The following ZNRF3 variants were observed in gnomAD, a reference collection of about 807,000 sequenced individuals.
ZNRF3 encodes the protein zinc and ring finger 3.
ZNRF3 carries 23 observed loss-of-function variants against 72.5 expected under a neutral mutation model. The ratio of observed to expected loss-of-function variants is 0.32; its 90% CI spans 0.23 to 0.45. The LOEUF (loss-of-function observed/expected upper bound fraction) is 0.45. ZNRF3 is among the 20% of genes least tolerant of loss of function. The pLI is 1.00. For synonymous variants in ZNRF3, 610 were observed against 545.3 expected (o/e 1.12, Z -1.65); for missense variants, 1,169 against 1,272.1 (o/e 0.92, Z 1.23).
At chr22:29,051,064 C>A in intron 8 of ZNRF3, 116 bp downstream of exon 8, 1 of 1,218,232 alleles carries the variant, frequency 8.2e-7, no homozygotes, top group Non-Finnish European at 1.1e-6. Flanking sequence ...TAAACACCAT[C>A]TGAGGCTGAA....
At chr22:29,032,479 A>G (rs2036781619) in intron 2 of ZNRF3, among the ~76,000 whole-genome samples, 1 of 152,220 alleles carries the variant, frequency 6.6e-6, no homozygotes, top group Admixed American at 6.5e-5. Flanking sequence ...CGAACTGACA[A>G]CCAGTAAAAA....
intron 1 of ZNRF3, among the ~76,000 whole-genome samples, chr22:28,897,376 A>T (rs975743894): frequency 6.6e-6 from 1 of 152,192 alleles, no homozygotes; most frequent in Non-Finnish European, 1.5e-5. Context: ...GCTGGAGTAC[A>T]GTGACGTGAT....
rs777913991 is a variant in ZNRF3, at chr22:29,050,352, G to T, written c.2171G>T (p.Ser724Ile). 1.2e-6 allele frequency: 2 copies of T among 1,603,160 alleles called. No homozygotes were observed. The highest frequency in any genetic ancestry group is 1.7e-6 in the Non-Finnish European group (2 of 1,176,204). ...CCCCAGCCCTCCCCAGCCGGGCCTA[G>T]CGCCGGAGCAGCTGGCAGCAGCACC... ...CEPQPSPAGP[S>I]AGAAGSSTLF... Residue 724 changes from serine (S) to isoleucine (I), a missense_variant, in exon 8 of 9, where the codon AGC becomes ATC. Coordinates refer to ENST00000544604, the MANE Select transcript of ZNRF3 (RefSeq NM_001206998.2).
chr22:28,916,709 G>A (rs1207960190), intron 1 of ZNRF3, among the ~76,000 whole-genome samples: 1 of 152,174 alleles, frequency 6.6e-6, no homozygotes, highest in African/African-American at 2.4e-5. Context: ...GCAGCTTGGG[G>A]TTTAGGGATT....
intron 2 of ZNRF3, among the ~76,000 whole-genome samples, chr22:28,992,170 A>G (rs1183353409): frequency 9.9e-6 from 1 of 101,130 alleles, no homozygotes; most frequent in Non-Finnish European, 2.0e-5. Flanking sequence ...CTTCCCCCCA[A>G]CCCCCCGCCC....
At chr22:29,026,397 A>C (rs1487032545) in intron 2 of ZNRF3, 5 of 152,162 alleles carry the variant, frequency 3.3e-5, no homozygotes, top group African/African-American at 1.2e-4. Context: ...TTGACATACA[A>C]GTTCTGTGAC....
intron 1 of ZNRF3, among the ~76,000 whole-genome samples, chr22:28,937,682 G>T (rs1389988977): frequency 6.6e-6 from 1 of 152,102 alleles, no homozygotes; most frequent in African/African-American, 2.4e-5. Context: ...AGCTGACCTG[G>T]CAACCACCCT....
intron 2 of ZNRF3, among the ~76,000 whole-genome samples, chr22:29,015,344 A>G (rs1016367193): frequency 1.3e-5 from 2 of 152,160 alleles, no homozygotes; most frequent in Non-Finnish European, 2.9e-5. Flanking sequence ...TTTAATTGAA[A>G]TCCAGTTTTG....
intron 1 of ZNRF3, among the ~76,000 whole-genome samples, chr22:28,984,190 G>A (rs977431887): frequency 1.3e-5 from 2 of 151,488 alleles, no homozygotes; most frequent in Non-Finnish European, 2.9e-5. Flanking sequence ...TCATTTTAAA[G>A]CATGAAATTA....
chr22:28,944,389 G>A (rs1422635639), intron 1 of ZNRF3, among the ~76,000 whole-genome samples: 1 of 152,142 alleles, frequency 6.6e-6, no homozygotes. Context: ...TTGGGAGGCT[G>A]AGGCGGGCGG....
chr22:28,964,575 G>C (rs548011633), intron 1 of ZNRF3, among the ~76,000 whole-genome samples: 1 of 152,328 alleles, frequency 6.6e-6, no homozygotes, highest in East Asian at 1.9e-4. Flanking sequence ...GAACAGGAGA[G>C]GACAGGAAGA....
chr22:29,050,049 G>T lies in ZNRF3; in HGVS notation c.1868G>T (p.Cys623Phe), dbSNP rs1352728239. The part of the protein sequence containing the change: ...SGSSGRGPAL[C>F]FEGSPPPEEL... ...AGCTCGGGCCGGGGACCTGCCCTGT[G>T]CTTCGAGGGCTCCCCGCCTCCCGAG... The change falls in exon 8 of 9, where the codon TGC (cysteine) becomes TTC (phenylalanine). Residue 623 changes from cysteine to phenylalanine, a missense_variant. Around this residue, in one of 2 missense-constraint regions of ZNRF3, gnomAD observed 783 missense variants for 731.4 expected, o/e 1.07. Transcript: ENST00000544604. The T allele has an allele frequency of 1.9e-6, 3 of 1,608,098 alleles. No individual in the cohort carries two copies. The highest frequency in any genetic ancestry group is 2.5e-6 in the Non-Finnish European group (3 of 1,177,680).
chr22:28,934,983 G>C (rs2034794462), intron 1 of ZNRF3, among the ~76,000 whole-genome samples: 1 of 151,964 alleles, frequency 6.6e-6, no homozygotes, highest in Admixed American at 6.6e-5. Context: ...CTATACACCT[G>C]TTACTTGACT....
In ZNRF3 at chr22:29,049,264, G is replaced by A. The variant is rs766699960; in HGVS notation, c.1083G>A (p.Arg361=). The A allele has an allele frequency of 6.2e-7, 1 of 1,613,666 alleles. No homozygotes were observed. Among genetic ancestry groups the A allele is most frequent in the Non-Finnish European group, 8.5e-7 (1 of 1,179,902 alleles). The change falls in exon 8 of 9, where the codon AGG becomes AGA. Residue 361 remains arginine (R), a synonymous_variant. Transcript: ENST00000544604. This position sits in a 1 kb window ranked among gnomAD's most constrained non-coding sequence, Gnocchi z 5.2. ...TSNLSRGRQQ[R]VTLPVHYPGR... ...ACCTCTCACGTGGTCGGCAGCAGAG[G>A]GTGACCCTGCCGGTGCATTACCCCG...
intron 2 of ZNRF3, among the ~76,000 whole-genome samples, chr22:29,018,869 A>T (rs2036481870): frequency 6.6e-6 from 1 of 151,836 alleles, no homozygotes; most frequent in Non-Finnish European, 1.5e-5. Flanking sequence ...ATAGCACCCT[A>T]AAAACAACAG....
intron 2 of ZNRF3, among the ~76,000 whole-genome samples, chr22:29,029,225 T>C (rs2036701477): frequency 6.6e-6 from 1 of 152,252 alleles, no homozygotes; most frequent in South Asian, 2.1e-4. Flanking sequence ...TGAAGGTACA[T>C]ATGTCAAGAT....
chr22:28,897,247 G>A (rs563408638), intron 1 of ZNRF3, among the ~76,000 whole-genome samples: 112 of 152,192 alleles, frequency 7.4e-4, no homozygotes, highest in Non-Finnish European at 1.2e-3. Flanking sequence ...GCCTCCGGGC[G>A]TGGGCCTGTG....
intron 2 of ZNRF3, among the ~76,000 whole-genome samples, chr22:29,033,505 C>T (rs1031309044): frequency 7.9e-5 from 12 of 152,074 alleles, no homozygotes; most frequent in Admixed American, 1.3e-4. Flanking sequence ...TGATTGAGAA[C>T]GGTCCCTCTG....
chr22:28,950,246 T>C (rs2035135176), intron 1 of ZNRF3, among the ~76,000 whole-genome samples: 1 of 152,150 alleles, frequency 6.6e-6, no homozygotes, highest in African/African-American at 2.4e-5. Flanking sequence ...CCTGAAAAGG[T>C]TGAAGGACAA....
Sources: allele counts gnomAD v4.1 joint callset (sites outside exome capture counted in the v4.1 genomes callset), GRCh38; gene constraint gnomAD v4.1.1; regional missense constraint gnomAD v4.1.1; non-coding constraint Gnocchi (gnomAD v3.1); transcripts MANE v1.5; gene names NCBI Gene and HGNC (gene_info 2026-07-23, HGNC 2026-07-21).